Variants in KATNIP observed in about 807,000 individuals in gnomAD.
KATNIP encodes the protein katanin-interacting protein.
KATNIP carries 126 observed loss-of-function variants against 174.0 expected under a neutral mutation model. The ratio of observed to expected loss-of-function variants is 0.72; its 90% CI spans 0.63 to 0.84. The LOEUF (loss-of-function observed/expected upper bound fraction) is 0.84, where lower values mean the gene tolerates loss of function less well. KATNIP is among the 40% of genes least tolerant of loss of function. The pLI, the probability that KATNIP is intolerant of heterozygous loss-of-function variation, is 0.00. For missense variants in KATNIP, 1,958 were observed against 2,109.7 expected, an observed-to-expected ratio of 0.93 and a Z score of 1.41; for synonymous variants, 810 against 835.7, an observed-to-expected ratio of 0.97 and a Z score of 0.53.
At chr16:27,741,065 CA>C (rs1435453914) in intron 15 of KATNIP, 145 bp downstream of exon 15, 6 of 834,612 alleles carry the variant, frequency 7.2e-6, no homozygotes, top group African/African-American at 6.9e-5. Context: ...ATCACTGTCT[CA>C]GGGGCCAAAG....
chr16:27,644,500 C>T (rs1167193899), intron 5 of KATNIP: 3 of 151,940 alleles, frequency 2.0e-5, no homozygotes, highest in African/African-American at 7.3e-5. Flanking sequence ...TTCTCTGAGC[C>T]CTTCTTTGCT....
chr16:27,703,848 G>T (rs764238066), intron 11 of KATNIP, 48 bp from the exon 12 acceptor site: 10 of 1,357,298 alleles, frequency 7.4e-6, no homozygotes, highest in Non-Finnish European at 9.5e-6. Context: ...GTTCTCTTTT[G>T]TGTATCATTT....
chr16:27,713,264 G>A lies in KATNIP; in HGVS notation c.1605+4344G>A, dbSNP rs57571854. On this transcript the variant is annotated intron_variant, in intron 13 of 27. Coordinates refer to ENST00000261588, the MANE Select transcript of KATNIP (RefSeq NM_015202.5). ...TCCTTAATTGCCCTAGGAAATTATG[G>A]ATTTCCTATGAGTCTAGAATTATTT... is the stretch of plus-strand genomic sequence containing the variant. Among the ~76,000 whole-genome samples, 385 of 152,166 alleles carry A rather than the reference G, an allele frequency of 2.5e-3. 2 individuals carry two copies. The highest frequency in any genetic ancestry group is 8.8e-3 in the African/African-American group (366 of 41,512).
At chr16:27,633,946 G>A (rs564276815) in intron 5 of KATNIP, among the ~76,000 whole-genome samples, 1 of 152,342 alleles carries the variant, frequency 6.6e-6, no homozygotes, top group East Asian at 1.9e-4. Context: ...GTGCTGAGGA[G>A]CAAGGCCTGG....
intron 13 of KATNIP, among the ~76,000 whole-genome samples, chr16:27,714,064 C>T (rs899257016): frequency 6.6e-6 from 1 of 151,358 alleles, no homozygotes; most frequent in African/African-American, 2.4e-5. Context: ...ATCCACCAAC[C>T]TCATTCCTAC....
At chr16:27,664,535 A>G (rs964305247) in intron 6 of KATNIP, among the ~76,000 whole-genome samples, 2 of 152,218 alleles carry the variant, frequency 1.3e-5, no homozygotes, top group African/African-American at 4.8e-5. Context: ...TGGAGGAGGC[A>G]TGGAGTGCTC....
chr16:27,762,594 T>G (rs949269649), intron 19 of KATNIP, among the ~76,000 whole-genome samples: 2 of 152,222 alleles, frequency 1.3e-5, no homozygotes, highest in Non-Finnish European at 1.5e-5. Context: ...CTTGGTTTCC[T>G]TATCAGTAGA....
At chr16:27,666,867 C>G (rs1266425669) in intron 6 of KATNIP, among the ~76,000 whole-genome samples, 1 of 151,890 alleles carries the variant, frequency 6.6e-6, no homozygotes, top group Non-Finnish European at 1.5e-5. Flanking sequence ...GACTGGCAAG[C>G]CCTAAGTTTG....
intron 2 of KATNIP, among the ~76,000 whole-genome samples, chr16:27,614,542 G>A (rs2075987575): frequency 6.6e-6 from 1 of 152,156 alleles, no homozygotes; most frequent in South Asian, 2.1e-4. Flanking sequence ...CTCCTGGCCT[G>A]AAGCAGTCCT....
At chr16:27,676,538 G>A (rs1297735800) in intron 6 of KATNIP, among the ~76,000 whole-genome samples, 3 of 152,136 alleles carry the variant, frequency 2.0e-5, no homozygotes, top group Admixed American at 6.5e-5. Context: ...ATAACTATTA[G>A]GTTTATTGGT....
intron 8 of KATNIP, among the ~76,000 whole-genome samples, chr16:27,695,721 G>A (rs2078890362): frequency 6.6e-6 from 1 of 152,118 alleles, no homozygotes; most frequent in Non-Finnish European, 1.5e-5. Flanking sequence ...GATTCAGTAG[G>A]TAAACTCTTT....
intron 5 of KATNIP, among the ~76,000 whole-genome samples, chr16:27,639,720 C>T (rs972174557): frequency 4.6e-5 from 7 of 152,180 alleles, no homozygotes; most frequent in Non-Finnish European, 1.0e-4. Context: ...GTGTTGGGGG[C>T]CCTGTCTCTT....
intron 4 of KATNIP, 63 bp from the exon 5 acceptor site, chr16:27,631,002 A>T: frequency 7.4e-7 from 1 of 1,345,914 alleles, no homozygotes; most frequent in African/African-American, 1.4e-5. Context: ...TTACAAACCA[A>T]CCCAGTACTG....
At chr16:27,574,765 T>C (rs1015691291) in intron 2 of KATNIP, among the ~76,000 whole-genome samples, 1 of 151,038 alleles carries the variant, frequency 6.6e-6, no homozygotes, top group African/African-American at 2.4e-5. Context: ...GGTTTCACCA[T>C]GCTGGCCAGG....
intron 2 of KATNIP, among the ~76,000 whole-genome samples, chr16:27,582,301 A>G (rs1227189174): frequency 6.6e-6 from 1 of 152,242 alleles, no homozygotes; most frequent in Non-Finnish European, 1.5e-5. Context: ...AAACAAAAGA[A>G]AAGGCAAGTT....
chr16:27,593,016 G>T (rs1457785740), intron 2 of KATNIP, among the ~76,000 whole-genome samples: 1 of 152,324 alleles, frequency 6.6e-6, no homozygotes, highest in East Asian at 1.9e-4. Flanking sequence ...TGGATGTGAA[G>T]AACAGATGGA....
At chr16:27,577,159 TTTTAAAATGTTTAAATCCACA>T (rs2090529725) in intron 2 of KATNIP, among the ~76,000 whole-genome samples, 1 of 152,238 alleles carries the variant, frequency 6.6e-6, no homozygotes, top group Non-Finnish European at 1.5e-5. Context: ...GTTGTGGATT[TTTTAAAATGTTTAAATCCACA>T]TTTAAAATGG....
rs75304849 is a variant in KATNIP, at chr16:27,709,999, C to T, written c.1605+1079C>T. Among the ~76,000 whole-genome samples the T allele has an allele frequency of 7.6e-4, 115 of 152,312 alleles. 2 individuals are homozygous for T. The East Asian group carries it at 0.018, about 23-fold the overall frequency. ...GGGCCAGGACCCTTGCCCACACCCCCTCAGGACCCTGCTGCCCTAGGTCGT... is the reference window on the plus strand; with the variant it reads ...GGGCCAGGACCCTTGCCCACACCCCTTCAGGACCCTGCTGCCCTAGGTCGT... On this transcript the variant is annotated intron_variant, in intron 13 of 27. Coordinates refer to ENST00000261588, the MANE Select transcript of KATNIP (RefSeq NM_015202.5).
At chr16:27,555,152 A>G (rs980350591) in intron 1 of KATNIP, among the ~76,000 whole-genome samples, 1 of 152,164 alleles carries the variant, frequency 6.6e-6, no homozygotes, top group African/African-American at 2.4e-5. Context: ...AAAGTGAAGC[A>G]TACCTTATTG....
Sources: allele counts gnomAD v4.1 joint callset (sites outside exome capture counted in the v4.1 genomes callset), GRCh38; gene constraint gnomAD v4.1.1; transcripts MANE v1.5; gene names NCBI Gene and HGNC (gene_info 2026-07-23, HGNC 2026-07-21).